Variants in MIB1 observed in about 807,000 individuals in gnomAD.
The protein encoded by MIB1 is E3 ubiquitin-protein ligase MIB1.
Under a neutral mutation model 124.5 loss-of-function variants are expected in MIB1, and 278 were observed. The ratio of observed to expected loss-of-function variants is 2.23; its 90% CI spans 2.02 to 2.47. The LOEUF is 2.47. Ranked by LOEUF, MIB1 falls within the 30% of genes most tolerant of loss-of-function variation. The pLI, the probability that MIB1 is intolerant of heterozygous loss-of-function variation, is 0.00. For synonymous variants in MIB1, 446 were observed against 429.4 expected (o/e 1.04, Z -0.48); for missense variants, 957 against 1,254.4 (o/e 0.76, Z 3.58).
intron 1 of MIB1, among the ~76,000 whole-genome samples, chr18:21,716,814 T>G (rs1164747197): frequency 6.6e-6 from 1 of 151,970 alleles, no homozygotes; most frequent in Non-Finnish European, 1.5e-5. Context: ...ATGGCGCCAC[T>G]GCACTCCAGC....
In MIB1 at chr18:21,773,612, C is replaced by G. The variant is rs1363655820; in HGVS notation, c.532-12C>G. 5 of 1,584,414 alleles carry G rather than the reference C, an allele frequency of 3.2e-6. No homozygotes were observed. Among genetic ancestry groups the G allele is most frequent in the Non-Finnish European group, 3.4e-6 (4 of 1,161,360 alleles). On this transcript the variant is annotated splice_polypyrimidine_tract_variant and intron_variant, in intron 3 of 20. Coordinates refer to ENST00000261537, the MANE Select transcript of MIB1 (RefSeq NM_020774.4). ...TTTAAAAAACTTCTTTTCTCAAAAA[C>G]TATTCTGTTAGGTAACAGAAATCCA... is the stretch of plus-strand genomic sequence containing the variant.
intron 10 of MIB1, among the ~76,000 whole-genome samples, chr18:21,812,720 A>G (rs2041788465): frequency 6.6e-6 from 1 of 152,230 alleles, no homozygotes; most frequent in South Asian, 2.1e-4. Context: ...GCAGGGGGAT[A>G]GAAAGAAACA....
chr18:21,766,009 G>C, intron 2 of MIB1, 66 bp downstream of exon 2: 1 of 1,486,228 alleles, frequency 6.7e-7, no homozygotes, highest in Non-Finnish European at 9.3e-7. Flanking sequence ...GTACTTCTGG[G>C]CCTTAAAAAT....
intron 12 of MIB1, among the ~76,000 whole-genome samples, chr18:21,834,299 T>C (rs1409905954): frequency 7.9e-5 from 12 of 152,106 alleles, no homozygotes; most frequent in Non-Finnish European, 1.3e-4. Context: ...TGAGGCCCTG[T>C]ATTATTATTT....
Position 21,792,613 on chromosome 18 carries a change from A to G in MIB1, c.1092+1056A>G, listed in dbSNP as rs2146444475. ...AAAAATAGTGAATAATTGTGAACAAAACAAAAAAATAAAATCTCTGTTGTT... is the reference window on the plus strand; with the variant it reads ...AAAAATAGTGAATAATTGTGAACAAGACAAAAAAATAAAATCTCTGTTGTT... On this transcript the variant is annotated intron_variant, in intron 7 of 20. Coordinates refer to ENST00000261537, the MANE Select transcript of MIB1 (RefSeq NM_020774.4). 2.0e-5 allele frequency among the ~76,000 whole-genome samples: 3 copies of G among 152,358 alleles called. No homozygotes were observed. In the South Asian group the frequency reaches 6.2e-4, roughly 32 times the overall value.
intron 17 of MIB1, among the ~76,000 whole-genome samples, chr18:21,849,723 T>C (rs2146511811): frequency 6.6e-6 from 1 of 152,290 alleles, no homozygotes; most frequent in Non-Finnish European, 1.5e-5. Flanking sequence ...CCATTTTGCT[T>C]TCAAAGCTCC....
rs565314443 is a variant in MIB1 at position 21,868,674 on chromosome 18, A to T, written c.*4008A>T. ...TCCCTCAAAAAGGCAACGTTACTTCATTTGCTTGAATATTATGATAGGAAT... is the reference window on the plus strand; with the variant it reads ...TCCCTCAAAAAGGCAACGTTACTTCTTTTGCTTGAATATTATGATAGGAAT... On this transcript the variant is annotated 3_prime_UTR_variant, in exon 21 of 21. Transcript: ENST00000261537. The T allele has an allele frequency of 6.6e-6, 1 of 152,408 alleles. No individual in the cohort carries two copies. The highest frequency in any genetic ancestry group is 1.5e-5 in the Non-Finnish European group (1 of 67,892). 9.4% of individuals were successfully genotyped at this position (152,408 alleles called of 1,614,324 possible). A position where few individuals can be genotyped will look rare whatever the true frequency, so the allele number is the denominator to read the frequency against.
chr18:21,799,623 T>C (rs2041627627), intron 8 of MIB1, among the ~76,000 whole-genome samples: 1 of 152,174 alleles, frequency 6.6e-6, no homozygotes, highest in South Asian at 2.1e-4. Flanking sequence ...AATTATAATT[T>C]GATATACATG....
At position 21,847,126 on chromosome 18, in the gene MIB1, G is replaced by T; in HGVS notation, c.2393+1G>T. The T allele has an allele frequency of 1.2e-6, 2 of 1,612,822 alleles. No homozygotes were observed. Among genetic ancestry groups the T allele is most frequent in the Non-Finnish European group, 1.7e-6 (2 of 1,179,038 alleles). On this transcript the variant is annotated splice_donor_variant, in intron 16 of 20. Transcript: ENST00000261537. LOFTEE classifies it high-confidence loss of function. ...CAAAGTGTCATAAGGAAAAAGTCAG[G>T]TTTGTATTATTTATTATCATAAAAC...
At chr18:21,853,419 A>G (rs1228746138) in intron 18 of MIB1, among the ~76,000 whole-genome samples, 2 of 152,350 alleles carry the variant, frequency 1.3e-5, no homozygotes, top group African/African-American at 4.8e-5. Flanking sequence ...GGAAGACTGA[A>G]TATGCTGTGT....
At chr18:21,739,923 CAA>C (rs879507919), upstream of MIB1, among the ~76,000 whole-genome samples, 1 of 119,352 alleles carries the variant, frequency 8.4e-6, no homozygotes. Context: ...AAAAACAAAG[CAA>C]AAAAAAAAAC....
At chr18:21,725,399 T>A (rs2040737166) in intron 1 of MIB1, among the ~76,000 whole-genome samples, 1 of 152,260 alleles carries the variant, frequency 6.6e-6, no homozygotes, top group Non-Finnish European at 1.5e-5. Flanking sequence ...ATTTGAAGGC[T>A]TAGTGGTTAA....
intron 7 of MIB1, among the ~76,000 whole-genome samples, chr18:21,793,411 A>G (rs955739971): frequency 2.0e-5 from 3 of 152,202 alleles, no homozygotes; most frequent in African/African-American, 7.2e-5. Context: ...AAAATTTAGA[A>G]GGGATCATGG....
chr18:21,821,985 T>C (rs1398106848), intron 12 of MIB1, among the ~76,000 whole-genome samples: 1 of 152,178 alleles, frequency 6.6e-6, no homozygotes, highest in Non-Finnish European at 1.5e-5. Flanking sequence ...CTCTTTACAT[T>C]GTGGGCATTC....
chr18:21,839,289 C>G (rs1179209535), intron 13 of MIB1, among the ~76,000 whole-genome samples: 1 of 152,048 alleles, frequency 6.6e-6, no homozygotes, highest in East Asian at 1.9e-4. Context: ...AAGCCACCTC[C>G]CCCCCACTAC....
In MIB1 at chr18:21,798,328, T is replaced by C. The variant is rs1170184319; in HGVS notation, c.1237+100T>C. 4.2e-6 allele frequency: 5 copies of C among 1,188,510 alleles called. No homozygotes were observed. In the East Asian group the frequency reaches 1.2e-4, roughly 29 times the overall value. 73.6% of individuals were successfully genotyped at this position (1,188,510 alleles called of 1,614,324 possible). A position where few individuals can be genotyped will look rare whatever the true frequency, so the allele number is the denominator to read the frequency against. ...ATACAGATAATGTTGTACATGTGCT[T>C]GGCTTTGTCCCAGATTACACAGCCT... is the stretch of plus-strand genomic sequence containing the variant. On this transcript the variant is annotated intron_variant, in intron 8 of 20. Coordinates refer to ENST00000261537, the MANE Select transcript of MIB1 (RefSeq NM_020774.4).
chr18:21,813,715 A>AT (rs1409917481), intron 10 of MIB1, among the ~76,000 whole-genome samples: 1 of 152,234 alleles, frequency 6.6e-6, no homozygotes, highest in Non-Finnish European at 1.5e-5. Context: ...GCATTTAATC[A>AT]TAACAGTGTT....
At chr18:21,767,898 A>C (rs541417917) in intron 2 of MIB1, among the ~76,000 whole-genome samples, 3 of 152,152 alleles carry the variant, frequency 2.0e-5, no homozygotes, top group Admixed American at 2.0e-4. Flanking sequence ...AAATCTGTTG[A>C]TGGATTCATA....
rs766395261 is a variant in MIB1 at position 21,865,248 on chromosome 18, C to CAT, written c.*584_*585dup. 2.0e-5 allele frequency: 3 copies of CAT among 152,074 alleles called. No individual in the cohort carries two copies. The highest frequency in any genetic ancestry group is 4.4e-5 in the Non-Finnish European group (3 of 68,010). The allele number at this position is 152,074 out of a possible 1,614,324, so 9.4% of individuals were successfully genotyped here. A position where few individuals can be genotyped will look rare whatever the true frequency, so the allele number is the denominator to read the frequency against. ...TCTGAATTCTTAGAGTAAATGGAAG[C>CAT]ATAGAATGAGGGAATAATGACTTTG... On this transcript the variant is annotated 3_prime_UTR_variant, in exon 21 of 21. Coordinates refer to ENST00000261537, the MANE Select transcript of MIB1 (RefSeq NM_020774.4).
Sources: gnomAD v4.1 joint callset for allele counts (sites outside exome capture counted in the v4.1 genomes callset) on GRCh38, gnomAD v4.1.1 for gene constraint, MANE v1.5 for transcripts, NCBI Gene and HGNC (gene_info 2026-07-23, HGNC 2026-07-21) for gene names.